Variants in RBFOX1 observed in about 807,000 individuals in gnomAD.
RBFOX1 encodes RNA binding fox-1 homolog 1, also known as RNA binding protein fox-1 homolog 1.
A neutral mutation model predicts 57.7 loss-of-function variants in RBFOX1; 8 were observed. That is an observed-to-expected ratio of 0.14 (90% CI 0.08 to 0.25). The LOEUF (loss-of-function observed/expected upper bound fraction) is 0.25, where lower values mean the gene tolerates loss of function less well. RBFOX1 is among the 10% of genes least tolerant of loss of function. The probability of loss-of-function intolerance (pLI) is 1.00; values close to 1 mark genes in which losing one functional copy is unlikely to be tolerated. For synonymous variants in RBFOX1, 326 were observed against 222.4 expected, an observed-to-expected ratio of 1.47 and a Z score of -4.15; for missense variants, 611 against 548.5, an observed-to-expected ratio of 1.11 and a Z score of -1.14.
chr16:6,526,607 G>C (rs927257636), intron 2 of RBFOX1, among the ~76,000 whole-genome samples: 5 of 151,956 alleles, frequency 3.3e-5, no homozygotes, highest in African/African-American at 1.2e-4. Flanking sequence ...GAGGTGGGCA[G>C]ATCACGAGGT....
chr16:6,135,044 G>A (rs545660266), intron 1 of RBFOX1, among the ~76,000 whole-genome samples: 2 of 151,928 alleles, frequency 1.3e-5, no homozygotes, highest in Non-Finnish European at 2.9e-5. Context: ...CCCTTCCTGT[G>A]TCCAAGTGTT....
At chr16:6,787,235 C>G (rs926909014) in intron 3 of RBFOX1, among the ~76,000 whole-genome samples, 4 of 152,144 alleles carry the variant, frequency 2.6e-5, no homozygotes, top group Non-Finnish European at 5.9e-5. Flanking sequence ...AGGCAGCATT[C>G]TCTATGCAGT....
chr16:7,257,649 A>C (rs1049840141), intron 4 of RBFOX1, among the ~76,000 whole-genome samples: 7 of 151,570 alleles, frequency 4.6e-5, no homozygotes, highest in African/African-American at 1.7e-4. Context: ...TGTACTCCCA[A>C]CCCTCCTCTG....
At chr16:6,039,345 T>C (rs1167511681) in intron 1 of RBFOX1, among the ~76,000 whole-genome samples, 1 of 47,206 alleles carries the variant, frequency 2.1e-5, no homozygotes, top group Admixed American at 2.4e-4. Flanking sequence ...TTCTGCTTTC[T>C]GGAAAAAAAA....
rs2072482413 is a variant in RBFOX1 at position 7,504,755 on chromosome 16, T to TTATATATATATATTTA, written c.28-13379_28-13378insTTATATATATATATAT. The stretch of plus-strand genomic sequence containing the variant: ...TATATATATATATATATATATATAT[T>TTATATATATATATTTA]TATATATATATATATTTATATATAT... On this transcript the variant is annotated intron_variant, in intron 4 of 15. Transcript: ENST00000550418. 4.0e-4 allele frequency among the ~76,000 whole-genome samples: 4 copies of TTATATATATATATTTA among 10,002 alleles called. 1 individual carries two copies. Among genetic ancestry groups the TTATATATATATATTTA allele is most frequent in the African/African-American group, 1.5e-3 (3 of 1,956 alleles). The allele number at this position is 10,002 out of a possible 152,430, so 6.6% of individuals were successfully genotyped here.
chr16:6,951,227 G>T (rs1351612279), intron 3 of RBFOX1, among the ~76,000 whole-genome samples: 3 of 152,048 alleles, frequency 2.0e-5, no homozygotes, highest in African/African-American at 7.2e-5. Context: ...TTCTTAACCA[G>T]TTAAGAAAAG....
chr16:6,020,023 C>A, intron 1 of RBFOX1, 31 bp downstream of exon 1: 2 of 1,462,218 alleles, frequency 1.4e-6, no homozygotes, highest in Admixed American at 4.3e-5. Flanking sequence ...TGCCTCTGCA[C>A]CCACCCTGAC....
At chr16:5,749,201 C>T (rs2053100269) in intron 3 of RBFOX1, among the ~76,000 whole-genome samples, 1 of 152,118 alleles carries the variant, frequency 6.6e-6, no homozygotes, top group Admixed American at 6.5e-5. Flanking sequence ...CCCCCACCCC[C>T]TTTTGGTTTG....
chr16:7,563,599 C>G (rs1293989865), intron 5 of RBFOX1, among the ~76,000 whole-genome samples: 1 of 152,114 alleles, frequency 6.6e-6, no homozygotes, highest in Admixed American at 6.6e-5. Context: ...TCCATAGCAG[C>G]TGGGACTACA....
At chr16:7,081,172 T>A (rs1477666553) in intron 4 of RBFOX1, among the ~76,000 whole-genome samples, 1 of 152,154 alleles carries the variant, frequency 6.6e-6, no homozygotes, top group Non-Finnish European at 1.5e-5. Flanking sequence ...GTAGCTGAGA[T>A]TACAGGTGCA....
rs1250538608 is a variant in RBFOX1, at chr16:7,050,706, CTA to C, written c.-15-1349_-15-1348del. Among the ~76,000 whole-genome samples the C allele has an allele frequency of 2.0e-5, 3 of 152,236 alleles. No individual in the cohort carries two copies. The South Asian group carries it at 6.2e-4, about 32-fold the overall frequency. ...ATTTTTCATATCTCTATATTTAAAACTATGTTTCTAAATGGTACATGTTATGC... is the reference window on the plus strand; with the variant it reads ...ATTTTTCATATCTCTATATTTAAAACTGTTTCTAAATGGTACATGTTATGC... On this transcript the variant is annotated intron_variant, in intron 3 of 15. Transcript: ENST00000550418.
chr16:5,581,899 C>T (rs1052525958), intron 2 of RBFOX1, among the ~76,000 whole-genome samples: 1 of 152,144 alleles, frequency 6.6e-6, no homozygotes, highest in Non-Finnish European at 1.5e-5. Flanking sequence ...GATTTAGGAA[C>T]AGAAGCAAGG....
At chr16:6,811,073 A>G (rs550113939) in intron 3 of RBFOX1, among the ~76,000 whole-genome samples, 1 of 152,354 alleles carries the variant, frequency 6.6e-6, no homozygotes, top group Admixed American at 6.5e-5. Context: ...ACACCTGGGT[A>G]TTTCTTTCTG....
intron 1 of RBFOX1, among the ~76,000 whole-genome samples, chr16:6,106,967 G>A (rs1217152875): frequency 6.6e-6 from 1 of 152,074 alleles, no homozygotes; most frequent in African/African-American, 2.4e-5. Flanking sequence ...CACCATGCCT[G>A]GCCACCCCTC....
intron 1 of RBFOX1, among the ~76,000 whole-genome samples, chr16:6,265,404 G>T (rs1455683925): frequency 1.3e-5 from 2 of 151,950 alleles, no homozygotes; most frequent in African/African-American, 2.4e-5. Flanking sequence ...TGGGATTACA[G>T]GTGAGCACCA....
At chr16:6,254,200 G>C (rs1255781903) in intron 1 of RBFOX1, among the ~76,000 whole-genome samples, 1 of 152,124 alleles carries the variant, frequency 6.6e-6, no homozygotes, top group Non-Finnish European at 1.5e-5. Flanking sequence ...GAGGCTACTG[G>C]ATATTGCCTG....
chr16:6,384,666 C>G (rs1407929250), intron 2 of RBFOX1, among the ~76,000 whole-genome samples: 1 of 152,186 alleles, frequency 6.6e-6, no homozygotes, highest in African/African-American at 2.4e-5. Context: ...AATGAAGAAT[C>G]TCTTCTTCCA....
intron 2 of RBFOX1, among the ~76,000 whole-genome samples, chr16:5,571,586 C>T (rs528493513): frequency 3.1e-4 from 47 of 152,278 alleles, no homozygotes; most frequent in Non-Finnish European, 5.3e-4. Flanking sequence ...CGCCCACCGC[C>T]AGAAGATATG....
At chr16:5,927,826 C>G (rs1480417865) in intron 4 of RBFOX1, among the ~76,000 whole-genome samples, 2 of 152,112 alleles carry the variant, frequency 1.3e-5, no homozygotes, top group Admixed American at 1.3e-4. Context: ...AGACCTTATG[C>G]TAAGTGAAAT....
Sources: allele counts gnomAD v4.1 joint callset (sites outside exome capture counted in the v4.1 genomes callset), GRCh38; gene constraint gnomAD v4.1.1; transcripts MANE v1.5; gene names NCBI Gene and HGNC (gene_info 2026-07-23, HGNC 2026-07-21).